ZNF678: variants seen among roughly 807,000 people sequenced by gnomAD.
The protein encoded by ZNF678 is zinc finger protein 678.
ZNF678 carries 5 observed loss-of-function variants against 3.0 expected under a neutral mutation model. The ratio of observed to expected loss-of-function variants is 1.69; its 90% CI spans 0.88 to 3.56. The LOEUF (loss-of-function observed/expected upper bound fraction) is 3.56. Among genes scored for constraint, ZNF678 ranks in the 30% most tolerant of loss-of-function variants. The pLI is 0.00. For synonymous variants in ZNF678, 218 were observed against 199.6 expected (o/e 1.09, Z -0.78); for missense variants, 593 against 605.0 (o/e 0.98, Z 0.21).
At chr1:227,594,521 T>C (rs1657510086) in intron 1 of ZNF678, among the ~76,000 whole-genome samples, 1 of 152,214 alleles carries the variant, frequency 6.6e-6, no homozygotes. Flanking sequence ...ACACACAGAA[T>C]TTTCTTTCCA....
chr1:227,566,598 A>T (rs559278089), intron 1 of ZNF678, among the ~76,000 whole-genome samples: 16 of 152,138 alleles, frequency 1.1e-4, no homozygotes, highest in African/African-American at 3.9e-4. Context: ...CTTGAGTCGG[A>T]TGTGTCTGTG....
downstream of ZNF678, among the ~76,000 whole-genome samples, chr1:227,678,313 T>C (rs182999239): frequency 3.3e-5 from 5 of 152,268 alleles, no homozygotes; most frequent in African/African-American, 9.6e-5. Flanking sequence ...GACTACACTG[T>C]ATGTTGGTTC....
chr1:227,634,259 T>A (rs1042062634), intron 1 of ZNF678, among the ~76,000 whole-genome samples: 2 of 152,176 alleles, frequency 1.3e-5, no homozygotes, highest in East Asian at 1.9e-4. Context: ...GGTGACACTT[T>A]GAGACTTGCT....
In ZNF678 at chr1:227,646,550, C is replaced by T. The variant is rs1279766651; in HGVS notation, c.-157C>T. On this transcript the variant is annotated 5_prime_UTR_variant, in exon 2 of 4. Coordinates refer to ENST00000343776, the MANE Select transcript of ZNF678 (RefSeq NM_001367909.1). The stretch of plus-strand genomic sequence containing the variant: ...GTATTTTTCCCCCCCCCAGGGACTA[C>T]TGGCATTCAGTGATGTGGTCATAGA... The T allele has an allele frequency of 2.2e-6, 3 of 1,370,966 alleles. No homozygotes were observed. The South Asian group carries it at 3.4e-5, about 15-fold the overall frequency. The allele number at this position is 1,370,966 out of a possible 1,614,324, so 84.9% of individuals were successfully genotyped here.
Position 227,655,004 on chromosome 1 carries a change from C to A in ZNF678, c.754C>A (p.Leu252Ile). The change falls in exon 4 of 4, where the codon CTT becomes ATT. Residue 252 changes from leucine (L) to isoleucine (I), a missense_variant. Physicochemically the swap from Leu to Ile is conservative, Grantham distance 5. Coordinates refer to ENST00000343776, the MANE Select transcript of ZNF678 (RefSeq NM_001367909.1). ...CAAAGCCTTTAACAAGTTCTCAAAC[C>A]TTACTCAACATAAGAGAATTCATAC... ...CCKAFNKFSN[L>I]TQHKRIHTGE... is the part of the protein sequence containing the mutation. The A allele has an allele frequency of 6.2e-7, 1 of 1,611,880 alleles. No individual in the cohort carries two copies. The highest frequency in any genetic ancestry group is 8.5e-7 in the Non-Finnish European group (1 of 1,179,306).
chr1:227,629,841 C>T (rs1046795025), intron 1 of ZNF678, among the ~76,000 whole-genome samples: 7 of 152,214 alleles, frequency 4.6e-5, no homozygotes, highest in East Asian at 1.9e-4. Context: ...CCTTGCAGAC[C>T]GCACTGGAAG....
At chr1:227,671,397 A>C (rs935778528) in intron 5 of ZNF678, among the ~76,000 whole-genome samples, 17 of 150,226 alleles carry the variant, frequency 1.1e-4, no homozygotes, top group Non-Finnish European at 2.2e-4. Context: ...AGAAAAAAAA[A>C]CACACATTTT....
intron 1 of ZNF678, among the ~76,000 whole-genome samples, chr1:227,629,780 G>T (rs1658505342): frequency 1.3e-5 from 2 of 152,198 alleles, no homozygotes; most frequent in Non-Finnish European, 2.9e-5. Context: ...GACATAAGGG[G>T]CATGGACAAG....
chr1:227,648,499 TAA>T (rs948649463), intron 2 of ZNF678, among the ~76,000 whole-genome samples: 39 of 152,312 alleles, frequency 2.6e-4, no homozygotes, highest in African/African-American at 8.2e-4. Flanking sequence ...ACATTATTAT[TAA>T]CTGTATTCAT....
At chr1:227,583,445 A>G (rs1657185108) in intron 1 of ZNF678, among the ~76,000 whole-genome samples, 1 of 144,510 alleles carries the variant, frequency 6.9e-6, no homozygotes, top group Non-Finnish European at 1.5e-5. Context: ...TCCACCTCCC[A>G]GGTTCAAGCA....
At chr1:227,678,906 C>A (rs1159394386), downstream of ZNF678, among the ~76,000 whole-genome samples, 1 of 152,164 alleles carries the variant, frequency 6.6e-6, no homozygotes, top group Non-Finnish European at 1.5e-5. Context: ...GGCATGGTAG[C>A]TTTAATCCTT....
chr1:227,603,814 C>A (rs912564642), intron 1 of ZNF678, among the ~76,000 whole-genome samples: 1 of 152,152 alleles, frequency 6.6e-6, no homozygotes, highest in African/African-American at 2.4e-5. Flanking sequence ...TCCATTAACT[C>A]CCCCAAAACT....
chr1:227,569,559 A>C (rs1339284503), intron 1 of ZNF678, among the ~76,000 whole-genome samples: 1 of 152,082 alleles, frequency 6.6e-6, no homozygotes, highest in East Asian at 1.9e-4. Flanking sequence ...GAAATCTATT[A>C]TTTTGTTGCT....
At chr1:227,623,115 T>C (rs761053313) in intron 1 of ZNF678, among the ~76,000 whole-genome samples, 139 of 152,322 alleles carry the variant, frequency 9.1e-4, no homozygotes, top group Admixed American at 3.5e-3. Flanking sequence ...ACTTAAAAAT[T>C]CCTGAAATAA....
At chr1:227,625,750 T>C (rs990189178) in intron 1 of ZNF678, among the ~76,000 whole-genome samples, 2 of 152,114 alleles carry the variant, frequency 1.3e-5, no homozygotes, top group African/African-American at 4.8e-5. Flanking sequence ...GGGTGCTTTG[T>C]ACCCTGGTCA....
Position 227,654,439 on chromosome 1 carries a change from T to C in ZNF678, c.189T>C (p.Asn63=). 1 of 1,613,106 alleles carries C rather than the reference T, an allele frequency of 6.2e-7. No homozygotes were observed. The highest frequency in any genetic ancestry group is 8.5e-7 in the Non-Finnish European group (1 of 1,179,396). ...LTRHRSWGLD[N]LHLVKDWRTV... ...GACATAGAAGCTGGGGCCTTGACAA[T>C]TTGCACTTAGTGAAAGACTGGAGAA... The change falls in exon 4 of 4, where the codon AAT becomes AAC. Residue 63 remains asparagine, a synonymous_variant. Coordinates refer to ENST00000343776, the MANE Select transcript of ZNF678 (RefSeq NM_001367909.1).
chr1:227,584,456 A>T (rs1435791158), intron 1 of ZNF678, among the ~76,000 whole-genome samples: 1 of 152,070 alleles, frequency 6.6e-6, no homozygotes, highest in African/African-American at 2.4e-5. Context: ...AAAAAACTAC[A>T]GCTAGGTATT....
chr1:227,640,603 G>C (rs1342830573), intron 1 of ZNF678, among the ~76,000 whole-genome samples: 1 of 152,206 alleles, frequency 6.6e-6, no homozygotes, highest in Non-Finnish European at 1.5e-5. Flanking sequence ...GACAATAATT[G>C]CTTATGTCAG....
rs779462130 is a variant in ZNF678 at position 227,654,752 on chromosome 1, CT to C, written c.503del (p.Leu168GlnfsTer29). On this transcript the variant is annotated frameshift_variant, in exon 4 of 4. Coordinates refer to ENST00000343776, the MANE Select transcript of ZNF678 (RefSeq NM_001367909.1). LOFTEE classifies it low-confidence loss of function (END_TRUNC). ...CAAAGTTTTTAATTGGTGGTCACAA[CT>C]AACTAACCATAAGAAAATTCATACT... ...CGKVFNWWSQLTNHKKIHTGE... is the reference protein window; with the variant it reads ...CGKVFNWWSQXTNHKKIHTGE... The C allele has an allele frequency of 6.2e-7, 1 of 1,612,922 alleles. No individual in the cohort carries two copies. The highest frequency in any genetic ancestry group is 1.7e-5 in the Admixed American group (1 of 59,930).
Sources: gnomAD v4.1 joint callset for allele counts (sites outside exome capture counted in the v4.1 genomes callset) on GRCh38, gnomAD v4.1.1 for gene constraint, MANE v1.5 for transcripts, NCBI Gene and HGNC (gene_info 2026-07-23, HGNC 2026-07-21) for gene names.